GALNT13: variants seen among roughly 807,000 people sequenced by gnomAD.
GALNT13 encodes UDP-GalNAc:polypeptide N-acetylgalactosaminyltransferase 13.
In GALNT13, 28 loss-of-function variants were observed where a neutral mutation model predicts 64.2. The ratio of observed to expected loss-of-function variants is 0.44; its 90% CI spans 0.32 to 0.60. GALNT13 has a LOEUF of 0.60. Among genes scored for constraint, GALNT13 ranks in the 20% least tolerant of loss-of-function variants. GALNT13 has a pLI of 0.05. For missense variants in GALNT13, 577 were observed against 669.8 expected, an observed-to-expected ratio of 0.86 and a Z score of 1.53; for synonymous variants, 214 against 224.6, an observed-to-expected ratio of 0.95 and a Z score of 0.42.
chr2:154,434,361 G>T (rs542203152), intron 11 of GALNT13, among the ~76,000 whole-genome samples: 3 of 152,110 alleles, frequency 2.0e-5, no homozygotes, highest in African/African-American at 7.2e-5. Context: ...CCGGGCTCAC[G>T]CCATTCTCCT....
At chr2:153,668,575 G>A in the GALNT13 span, among the ~76,000 whole-genome samples, 1 of 152,126 alleles carries the variant, frequency 6.6e-6, no homozygotes, top group Non-Finnish European at 1.5e-5. Context: ...AGGACATTGA[G>A]AGTGGATGGA....
At chr2:153,710,575 A>G in the GALNT13 span, among the ~76,000 whole-genome samples, 6 of 152,118 alleles carry the variant, frequency 3.9e-5, no homozygotes, top group African/African-American at 1.4e-4. Context: ...AACTGTGTAT[A>G]TTAACCTTTA....
the GALNT13 span, among the ~76,000 whole-genome samples, chr2:153,563,491 T>C: frequency 6.6e-6 from 1 of 152,084 alleles, no homozygotes; most frequent in Non-Finnish European, 1.5e-5. Flanking sequence ...ACATATTGAG[T>C]GATATGGATT....
At chr2:153,643,255 A>G in the GALNT13 span, among the ~76,000 whole-genome samples, 2 of 151,492 alleles carry the variant, frequency 1.3e-5, no homozygotes, top group Non-Finnish European at 3.0e-5. Flanking sequence ...AATTTCTAGT[A>G]ACTGTGATGT....
At chr2:153,838,643 G>A in the GALNT13 span, among the ~76,000 whole-genome samples, 2 of 151,964 alleles carry the variant, frequency 1.3e-5, no homozygotes, top group East Asian at 3.9e-4. Flanking sequence ...TTTAATGCCA[G>A]TTCCATGCTG....
At chr2:153,357,721 AC>A in the GALNT13 span, among the ~76,000 whole-genome samples, 1 of 152,138 alleles carries the variant, frequency 6.6e-6, no homozygotes, top group Admixed American at 6.5e-5. Flanking sequence ...CAGGTTTATT[AC>A]CCTGACCCTT....
intron 3 of GALNT13, among the ~76,000 whole-genome samples, chr2:153,970,907 C>G (rs1315491656): frequency 1.3e-5 from 2 of 152,150 alleles, no homozygotes; most frequent in Non-Finnish European, 2.9e-5. Flanking sequence ...TCATGCCATT[C>G]CTCTGCTCCA....
chr2:154,416,004 A>G (rs1699992094), intron 11 of GALNT13, among the ~76,000 whole-genome samples: 1 of 152,140 alleles, frequency 6.6e-6, no homozygotes, highest in Admixed American at 6.6e-5. Flanking sequence ...AGTTGGATAC[A>G]TGCAAGCTAG....
At chr2:154,356,409 A>C (rs2105272085) in intron 9 of GALNT13, among the ~76,000 whole-genome samples, 1 of 152,088 alleles carries the variant, frequency 6.6e-6, no homozygotes, top group South Asian at 2.1e-4. Context: ...ACATGGAAAA[A>C]AGTGCTTTTT....
chr2:154,186,488 C>G (rs1451772516), intron 4 of GALNT13, among the ~76,000 whole-genome samples: 6 of 152,072 alleles, frequency 3.9e-5, no homozygotes, highest in Non-Finnish European at 1.5e-5. Context: ...ATTTAATGAT[C>G]ACTAGTATAG....
chr2:153,117,755 G>A, the GALNT13 span, among the ~76,000 whole-genome samples: 1 of 152,092 alleles, frequency 6.6e-6, no homozygotes, highest in African/African-American at 2.4e-5. Context: ...CACTTACCCT[G>A]TTTTTATCTA....
chr2:154,046,206 T>G (rs1164325002), intron 3 of GALNT13, among the ~76,000 whole-genome samples: 3 of 152,042 alleles, frequency 2.0e-5, no homozygotes, highest in African/African-American at 7.2e-5. Context: ...ATGCCTGTAG[T>G]CCTAGCTACT....
the GALNT13 span, among the ~76,000 whole-genome samples, chr2:153,285,232 G>A: frequency 6.6e-6 from 1 of 152,032 alleles, no homozygotes; most frequent in Non-Finnish European, 1.5e-5. Flanking sequence ...CAGCATGGGG[G>A]AAACTGCCCC....
the GALNT13 span, among the ~76,000 whole-genome samples, chr2:153,605,275 T>C: frequency 5.9e-5 from 9 of 152,112 alleles, no homozygotes; most frequent in Non-Finnish European, 1.3e-4. Context: ...TAATCACTTC[T>C]TGATTGACTC....
chr2:153,241,740 G>T, the GALNT13 span, among the ~76,000 whole-genome samples: 1 of 151,852 alleles, frequency 6.6e-6, no homozygotes, highest in Non-Finnish European at 1.5e-5. Context: ...AAAAGGATTT[G>T]TGAGACTAGT....
chr2:153,119,553 T>G, the GALNT13 span, among the ~76,000 whole-genome samples: 27 of 152,324 alleles, frequency 1.8e-4, no homozygotes, highest in African/African-American at 6.0e-4. Context: ...AATGGCACTG[T>G]TAGTGCCCCA....
chr2:154,130,042 A>G (rs1458280133), intron 3 of GALNT13, among the ~76,000 whole-genome samples: 1 of 152,130 alleles, frequency 6.6e-6, no homozygotes, highest in Non-Finnish European at 1.5e-5. Context: ...AGGACCATGC[A>G]TCAGTAGGGT....
chr2:153,441,978 TACTATGTTGAATAGAA>T, the GALNT13 span, among the ~76,000 whole-genome samples: 1 of 152,124 alleles, frequency 6.6e-6, no homozygotes, highest in Non-Finnish European at 1.5e-5. Flanking sequence ...GAACCTCCAA[TACTATGTTGAATAGAA>T]GTGGTGAGAG....
At chr2:153,682,306 C>T in the GALNT13 span, among the ~76,000 whole-genome samples, 3 of 151,808 alleles carry the variant, frequency 2.0e-5, no homozygotes, top group South Asian at 4.1e-4. Flanking sequence ...ATTACCCAGA[C>T]GTCTTCTGTA....
Sources: allele counts gnomAD v4.1 joint callset (sites outside exome capture counted in the v4.1 genomes callset), GRCh38; gene constraint gnomAD v4.1.1; transcripts MANE v1.5; gene names NCBI Gene and HGNC (gene_info 2026-07-23, HGNC 2026-07-21).